SPATA7: variants seen among roughly 807,000 people sequenced by gnomAD.
SPATA7 encodes the protein spermatogenesis-associated protein 7.
In SPATA7, 43 loss-of-function variants were observed where a neutral mutation model predicts 51.8. The observed-to-expected ratio is 0.83, with a 90% CI of 0.65 to 1.07. The LOEUF (loss-of-function observed/expected upper bound fraction) is 1.07, where lower values mean the gene tolerates loss of function less well. SPATA7 is among the 50% of genes least tolerant of loss of function. The probability of loss-of-function intolerance (pLI) is 0.00; values close to 1 mark genes in which losing one functional copy is unlikely to be tolerated. For missense variants in SPATA7, 683 were observed against 701.3 expected (o/e 0.97, Z 0.30); for synonymous variants, 230 against 252.8 (o/e 0.91, Z 0.86).
intron 10 of SPATA7, among the ~76,000 whole-genome samples, chr14:88,437,287 G>C (rs77600514): frequency 0.026 from 3,959 of 151,684 alleles, 181 homozygotes; most frequent in African/African-American, 0.09. Flanking sequence ...ACAGCTTTTT[G>C]GTGGTGGGGT....
intron 2 of SPATA7, chr14:88,391,695 C>A: frequency 1.8e-6 from 1 of 566,180 alleles, no homozygotes; most frequent in Non-Finnish European, 3.2e-6. Context: ...GCTGCTACAG[C>A]AGCCCAGCTC....
chr14:88,393,519 C>T, intron 3 of SPATA7, 31 bp downstream of exon 3: 1 of 1,482,208 alleles, frequency 6.7e-7, no homozygotes, highest in African/African-American at 1.4e-5. Context: ...ACTCTCTGTA[C>T]TCAATTTAAA....
intron 4 of SPATA7, among the ~76,000 whole-genome samples, chr14:88,408,778 T>G (rs111657347): frequency 0.012 from 1,758 of 152,340 alleles, 37 homozygotes; most frequent in African/African-American, 0.04. Context: ...TTGAGATACA[T>G]TCTATCAACA....
chr14:88,416,530 CAT>C (rs1456040665), intron 4 of SPATA7, 179 bp from the exon 5 acceptor site: 1 of 517,694 alleles, frequency 1.9e-6, no homozygotes, highest in African/African-American at 2.0e-5. Flanking sequence ...TCTAGAGGCA[CAT>C]GTGAAATAAA....
rs72695831 is a variant in SPATA7 at position 88,469,476 on chromosome 14, G to A, written c.255-371G>A. 164 of 1,572,564 alleles carry A rather than the reference G, an allele frequency of 1.0e-4. No individual in the cohort carries two copies. The highest frequency in any genetic ancestry group is 6.3e-4 in the African/African-American group (47 of 74,044). On this transcript the variant is annotated intron_variant, in intron 4 of 4. Transcript: ENST00000556406. This position sits in a 1 kb window ranked among gnomAD's most constrained non-coding sequence, Gnocchi z 4.3. Reference sequence around the variant, plus strand: ...AACACCTCCAGAGGCAGCTGTCCTCGGAACAAAGTTAAAGTCACTCACATA... The same window carrying A: ...AACACCTCCAGAGGCAGCTGTCCTCAGAACAAAGTTAAAGTCACTCACATA...
chr14:88,419,359 G>A (rs1439899652), intron 5 of SPATA7, among the ~76,000 whole-genome samples: 1 of 149,980 alleles, frequency 6.7e-6, no homozygotes, highest in East Asian at 1.9e-4. Context: ...AATATTTTCT[G>A]ATAGTGATAT....
At chr14:88,434,490 G>T (rs1595293847) in intron 10 of SPATA7, among the ~76,000 whole-genome samples, 1 of 152,082 alleles carries the variant, frequency 6.6e-6, no homozygotes, top group Non-Finnish European at 1.5e-5. Context: ...TTCAACACCA[G>T]CCTGGCCAAT....
intron 4 of SPATA7, among the ~76,000 whole-genome samples, chr14:88,463,577 C>T (rs2077331327): frequency 6.6e-6 from 1 of 152,138 alleles, no homozygotes. Flanking sequence ...GCTTACCTTT[C>T]AGGGCCCCTA....
downstream of SPATA7, among the ~76,000 whole-genome samples, chr14:88,459,128 T>A (rs2077302030): frequency 6.6e-6 from 1 of 152,156 alleles, no homozygotes; most frequent in Non-Finnish European, 1.5e-5. Context: ...TGCTGAGGAG[T>A]GCTTTACTTC....
At chr14:88,457,247 T>C (rs1442012644), downstream of SPATA7, among the ~76,000 whole-genome samples, 2 of 152,216 alleles carry the variant, frequency 1.3e-5, no homozygotes, top group Non-Finnish European at 1.5e-5. Context: ...AGTAGTTTTT[T>C]CCAGTTCTGT....
downstream of SPATA7, among the ~76,000 whole-genome samples, chr14:88,441,345 T>C (rs1166890802): frequency 6.6e-6 from 1 of 152,192 alleles, no homozygotes; most frequent in Non-Finnish European, 1.5e-5. Flanking sequence ...ATGACTTCTT[T>C]TCCTCTGGGT....
downstream of SPATA7, among the ~76,000 whole-genome samples, chr14:88,442,593 A>T (rs1377861974): frequency 1.3e-5 from 2 of 152,144 alleles, no homozygotes; most frequent in African/African-American, 2.4e-5. Context: ...TATCACATTT[A>T]TTGATTTTCA....
intron 10 of SPATA7, among the ~76,000 whole-genome samples, chr14:88,435,965 AG>A: frequency 1.3e-5 from 2 of 152,240 alleles, no homozygotes. Flanking sequence ...CTCAATTTCT[AG>A]TTTTTTGAGG....
intron 8 of SPATA7, among the ~76,000 whole-genome samples, chr14:88,430,363 A>G (rs894820272): frequency 6.6e-6 from 1 of 152,194 alleles, no homozygotes; most frequent in East Asian, 1.9e-4. Context: ...ATTTATTAAT[A>G]TAACTGCTCT....
chr14:88,394,659 G>T (rs1472917116), intron 3 of SPATA7, among the ~76,000 whole-genome samples: 3 of 151,924 alleles, frequency 2.0e-5, no homozygotes, highest in Non-Finnish European at 4.4e-5. Flanking sequence ...GTTTCACTCG[G>T]GTAAATTTAT....
chr14:88,398,958 A>G (rs1196719200), intron 4 of SPATA7, among the ~76,000 whole-genome samples: 1 of 151,616 alleles, frequency 6.6e-6, no homozygotes, highest in African/African-American at 2.4e-5. Context: ...AGGCTGAGGC[A>G]GGAGAATGGC....
rs551304301 is a variant in SPATA7, at chr14:88,469,283, C to T, written c.255-564C>T. On this transcript the variant is annotated intron_variant, in intron 4 of 4. Coordinates refer to the SPATA7 transcript ENST00000556406. This position sits in a 1 kb window ranked among gnomAD's most constrained non-coding sequence, Gnocchi z 4.3. ...CTTTCTGATCTACAAAATGAAATGA[C>T]GGAGATACTGAGTCAGCTGTGGCAT... Among the ~76,000 whole-genome samples the T allele has an allele frequency of 1.9e-3, 285 of 152,232 alleles. No individual in the cohort carries two copies. Among genetic ancestry groups the T allele is most frequent in the African/African-American group, 6.6e-3 (274 of 41,528 alleles).
chr14:88,452,752 TCTC>T (rs2077260397), intron 3 of SPATA7, among the ~76,000 whole-genome samples: 4 of 152,136 alleles, frequency 2.6e-5, no homozygotes, highest in Non-Finnish European at 4.4e-5. Context: ...ACCATGCCAC[TCTC>T]TTCTTTAAAA....
chr14:88,451,260 C>T (rs1023495672), intron 3 of SPATA7, among the ~76,000 whole-genome samples: 1 of 152,098 alleles, frequency 6.6e-6, no homozygotes, highest in African/African-American at 2.4e-5. Flanking sequence ...ACCTCTGCCT[C>T]CTGGGTTCAA....
Sources: gnomAD v4.1 joint callset for allele counts (sites outside exome capture counted in the v4.1 genomes callset) on GRCh38, gnomAD v4.1.1 for gene constraint, Gnocchi (gnomAD v3.1) non-coding constraint, MANE v1.5 for transcripts, NCBI Gene and HGNC (gene_info 2026-07-23, HGNC 2026-07-21) for gene names.